Variants in ENTR1 observed in about 807,000 individuals in gnomAD.
The protein encoded by ENTR1 is endosome-associated-trafficking regulator 1.
ENTR1 carries 47 observed loss-of-function variants against 47.9 expected under a neutral mutation model. The ratio of observed to expected loss-of-function variants is 0.98; its 90% CI spans 0.78 to 1.25. The LOEUF (loss-of-function observed/expected upper bound fraction) is 1.25. Ranked by LOEUF, ENTR1 falls within the 50% of genes most tolerant of loss-of-function variation. The probability of loss-of-function intolerance (pLI) is 0.00; values close to 1 mark genes in which losing one functional copy is unlikely to be tolerated. For synonymous variants in ENTR1, 290 were observed against 245.8 expected, an observed-to-expected ratio of 1.18 and a Z score of -1.68; for missense variants, 668 against 570.5, an observed-to-expected ratio of 1.17 and a Z score of -1.74.
Position 136,407,190 on chromosome 9 carries a change from A to C in ENTR1, c.774T>G (p.Ser258=), listed in dbSNP as rs775024796. The part of the protein sequence containing the change: ...PSADFAVHGE[S]LGDRHLRTLQ... ...GCGTCCGCAGGTGCCTGTCTCCCAGAGACTCTCCATGAACCGCAAAGTCTG... is the reference window on the plus strand; with the variant it reads ...GCGTCCGCAGGTGCCTGTCTCCCAGCGACTCTCCATGAACCGCAAAGTCTG... Residue 258 remains serine (S), a synonymous_variant, in exon 5 of 10, where the codon TCT becomes TCG. Transcript: ENST00000357365. 2.5e-6 allele frequency: 4 copies of C among 1,611,292 alleles called. No homozygotes were observed. The African/African-American group carries it at 5.3e-5, about 21-fold the overall frequency.
At chr9:136,408,425 A>G (rs1834889345) in intron 3 of ENTR1, among the ~76,000 whole-genome samples, 1 of 151,898 alleles carries the variant, frequency 6.6e-6, no homozygotes, top group Admixed American at 6.6e-5. Context: ...AAAAATACAA[A>G]AAATTAGCCA....
intron 9 of ENTR1, 111 bp from the exon 10 acceptor site, chr9:136,402,998 A>C: frequency 8.1e-6 from 2 of 246,152 alleles, no homozygotes; most frequent in Non-Finnish European, 1.5e-5. Context: ...AGGGGTTCCA[A>C]GGGGTAGGGA....
At chr9:136,403,969 C>A in intron 9 of ENTR1, 86 bp downstream of exon 9, 13 of 1,460,108 alleles carry the variant, frequency 8.9e-6, no homozygotes, top group Non-Finnish European at 1.2e-5. Context: ...GTGCCATCAG[C>A]CTGGGCCCCC....
intron 9 of ENTR1, 44 bp from the exon 10 acceptor site, chr9:136,402,931 C>T: frequency 7.0e-7 from 1 of 1,437,466 alleles, no homozygotes; most frequent in Non-Finnish European, 9.6e-7. Context: ...AGCAGCTACT[C>T]AGCAGCAACA....
At chr9:136,404,928 T>G in intron 7 of ENTR1, 163 bp downstream of exon 7, 1 of 687,324 alleles carries the variant, frequency 1.5e-6, no homozygotes, top group Non-Finnish European at 2.5e-6. Context: ...GGGCCAGCTA[T>G]CCCCAGGCAC....
intron 7 of ENTR1, 136 bp downstream of exon 7, chr9:136,404,955 C>CA (rs932711366): frequency 1.3e-5 from 10 of 746,798 alleles, no homozygotes; most frequent in Non-Finnish European, 2.2e-5. Context: ...ACAGCGACGT[C>CA]AAAGAACACC....
intron 3 of ENTR1, among the ~76,000 whole-genome samples, chr9:136,408,459 T>C (rs957653693): frequency 1.1e-4 from 16 of 151,942 alleles, no homozygotes; most frequent in Non-Finnish European, 2.1e-4. Context: ...GCGCCTGTAG[T>C]CCCAGCTACT....
chr9:136,407,283 CAG>C lies in ENTR1; in HGVS notation c.679_680del (p.Leu227AlafsTer7). The C allele has an allele frequency of 6.2e-7, 1 of 1,612,762 alleles. No homozygotes were observed. ...TPSELAGPES[L>X]PSWALSDTDS... ...CAGTGTCACTCAACGCCCACGAGGG[CAG>C]AGACTCAGGCCCTGCCAGCTCCGAC... is the stretch of plus-strand genomic sequence containing the variant. On this transcript the variant is annotated frameshift_variant, in exon 5 of 10. Transcript: ENST00000357365. LOFTEE classifies it high-confidence loss of function.
Position 136,407,174 on chromosome 9 carries a change from GGT to G in ENTR1, c.788_789del (p.His263ProfsTer14), listed in dbSNP as rs768115650. The part of the protein sequence containing the change: ...AVHGESLGDR[H>X]LRTLQISYDA... The stretch of plus-strand genomic sequence containing the variant: ...TCGTAACTTATCTGCAGCGTCCGCA[GGT>G]GCCTGTCTCCCAGAGACTCTCCATG... On this transcript the variant is annotated frameshift_variant, in exon 5 of 10. Coordinates refer to ENST00000357365, the MANE Select transcript of ENTR1 (RefSeq NM_001039707.2). LOFTEE classifies it high-confidence loss of function. The G allele has an allele frequency of 6.2e-7, 1 of 1,607,238 alleles. No individual in the cohort carries two copies. Among genetic ancestry groups the G allele is most frequent in the South Asian group, 1.1e-5 (1 of 90,910 alleles).
In ENTR1 at chr9:136,407,171, G is replaced by A. The variant is rs781126210; in HGVS notation, c.793C>T (p.Arg265Trp). The A allele has an allele frequency of 7.5e-6, 12 of 1,605,882 alleles. No homozygotes were observed. The highest frequency in any genetic ancestry group is 6.7e-5 in the African/African-American group (5 of 74,770). Residue 265 changes from arginine to tryptophan, a missense_variant, in exon 5 of 10, where the codon CGG becomes TGG. Physicochemically the swap from Arg to Trp is moderately radical, Grantham distance 101. Coordinates refer to ENST00000357365, the MANE Select transcript of ENTR1 (RefSeq NM_001039707.2). Reference protein sequence around the residue: ...HGESLGDRHLRTLQISYDALK... With the variant: ...HGESLGDRHLWTLQISYDALK... ...GCGTCGTAACTTATCTGCAGCGTCCGCAGGTGCCTGTCTCCCAGAGACTCT... is the reference window on the plus strand; with the variant it reads ...GCGTCGTAACTTATCTGCAGCGTCCACAGGTGCCTGTCTCCCAGAGACTCT...
At position 136,407,427 on chromosome 9, in the gene ENTR1, ATCC is replaced by A. The variant is rs772000062; in HGVS notation, c.534_536del (p.Glu178del). 7.5e-6 allele frequency: 12 copies of A among 1,610,166 alleles called. No homozygotes were observed. Among genetic ancestry groups the A allele is most frequent in the South Asian group, 1.1e-5 (1 of 90,598 alleles). On this transcript the variant is annotated inframe_deletion, in exon 5 of 10. Transcript: ENST00000357365. ...AGGCCCCACTCCATCCGGTGTCCTCATCCTCCTCCTCATCCAGGAGGTCACCAG... is the reference window on the plus strand; with the variant it reads ...AGGCCCCACTCCATCCGGTGTCCTCATCCTCCTCATCCAGGAGGTCACCAG...
intron 2 of ENTR1, 150 bp downstream of exon 2, chr9:136,409,940 G>C (rs753739380): frequency 4.2e-6 from 4 of 942,154 alleles, no homozygotes; most frequent in Non-Finnish European, 6.8e-6. Flanking sequence ...GCTCCTAGCA[G>C]GGGACTCCGC....
intron 8 of ENTR1, 48 bp from the exon 9 acceptor site, chr9:136,404,242 G>C: frequency 6.4e-7 from 1 of 1,552,688 alleles, no homozygotes; most frequent in South Asian, 1.2e-5. Flanking sequence ...GAGGCAACCC[G>C]GCTGAAAGTC....
rs774020272 is a variant in ENTR1 at position 136,404,202 on chromosome 9, G to T, written c.1069-8C>A. The T allele has an allele frequency of 2.0e-5, 32 of 1,602,636 alleles. No individual in the cohort carries two copies. In the Admixed American group the frequency reaches 5.1e-4, roughly 26 times the overall value. On this transcript the variant is annotated splice_region_variant and splice_polypyrimidine_tract_variant and intron_variant, in intron 8 of 9. Transcript: ENST00000357365. The stretch of plus-strand genomic sequence containing the variant: ...GAAGTTGGAGACCTGCGCCTGGGGG[G>T]ACGGTTACGGCTAAGGACAGAGCAG...
chr9:136,404,840 A>G, intron 7 of ENTR1, 147 bp from the exon 8 acceptor site: 5 of 762,736 alleles, frequency 6.6e-6, no homozygotes. Context: ...TCCCGCCTCC[A>G]CTCTCAGACC....
intron 3 of ENTR1, 62 bp from the exon 4 acceptor site, chr9:136,408,000 C>CTG: frequency 9.4e-7 from 1 of 1,068,720 alleles, no homozygotes; most frequent in Non-Finnish European, 1.4e-6. Context: ...GGGAACCTTC[C>CTG]TGTTCACCTG....
chr9:136,407,969 G>A (rs780931943), intron 3 of ENTR1, 31 bp from the exon 4 acceptor site: 15 of 1,402,282 alleles, frequency 1.1e-5, no homozygotes, highest in Non-Finnish European at 1.5e-5. Context: ...AATGCATAAA[G>A]TCTACTGAAG....
rs1279523704 is a variant in ENTR1 at position 136,407,372 on chromosome 9, G to A, written c.592C>T (p.Pro198Ser). 1 of 1,607,652 alleles carries A rather than the reference G, an allele frequency of 6.2e-7. No homozygotes were observed. Among genetic ancestry groups the A allele is most frequent in the Admixed American group, 1.7e-5 (1 of 59,214 alleles). ...GACGTGCCGGCAGGGACCCTCTCGGGGTGAGTCTGCTCGATGGCGGACGGC... is the reference window on the plus strand; with the variant it reads ...GACGTGCCGGCAGGGACCCTCTCGGAGTGAGTCTGCTCGATGGCGGACGGC... Reference protein sequence around the residue: ...YLPSAIEQTHPERVPAGTSPC... With the variant: ...YLPSAIEQTHSERVPAGTSPC... The change falls in exon 5 of 10, where the codon CCC becomes TCC. Residue 198 changes from proline (P) to serine (S), a missense_variant. Coordinates refer to ENST00000357365, the MANE Select transcript of ENTR1 (RefSeq NM_001039707.2).
rs780275447 is a variant in ENTR1, at chr9:136,409,969, T to G, written c.220+121A>C. On this transcript the variant is annotated intron_variant, in intron 2 of 9. Transcript: ENST00000357365. ...ACTCCGCCTTTGAATTCCGAGTGCC[T>G]GGCACGCAGTGAGCGCTCTGCACAT... 4.9e-5 allele frequency: 61 copies of G among 1,242,570 alleles called. No homozygotes were observed. In the East Asian group the frequency reaches 1.5e-3, roughly 30 times the overall value. 77.0% of individuals were successfully genotyped at this position (1,242,570 alleles called of 1,614,324 possible). A position where few individuals can be genotyped will look rare whatever the true frequency, so the allele number is the denominator to read the frequency against.
Sources: gnomAD v4.1 joint callset for allele counts (sites outside exome capture counted in the v4.1 genomes callset) on GRCh38, gnomAD v4.1.1 for gene constraint, MANE v1.5 for transcripts, NCBI Gene and HGNC (gene_info 2026-07-23, HGNC 2026-07-21) for gene names.